The following PRELID2 variants were observed in gnomAD, a reference collection of about 807,000 sequenced individuals.
The protein encoded by PRELID2 is PRELI domain containing 2.
In PRELID2, 25 loss-of-function variants were observed where a neutral mutation model predicts 28.4. The observed-to-expected ratio is 0.88, with a 90% CI of 0.64 to 1.23. The LOEUF is 1.23. Among genes scored for constraint, PRELID2 ranks in the 50% most tolerant of loss-of-function variants. The pLI is 0.00. For missense variants in PRELID2, 201 were observed against 214.4 expected (o/e 0.94, Z 0.39); for synonymous variants, 76 against 71.6 (o/e 1.06, Z -0.31).
At chr5:145,421,070 C>T in the PRELID2 span, among the ~76,000 whole-genome samples, 1 of 151,034 alleles carries the variant, frequency 6.6e-6, no homozygotes, top group Admixed American at 6.6e-5. Flanking sequence ...GCCTTGCATC[C>T]CAGGGATGAA....
At chr5:145,549,107 T>A (rs1752811274) in intron 1 of PRELID2, among the ~76,000 whole-genome samples, 1 of 152,192 alleles carries the variant, frequency 6.6e-6, no homozygotes, top group Non-Finnish European at 1.5e-5. Flanking sequence ...CCCCTACAGA[T>A]GTGATTGTGC....
chr5:145,674,872 T>C (rs1754782856), intron 1 of PRELID2, among the ~76,000 whole-genome samples: 2 of 151,792 alleles, frequency 1.3e-5, no homozygotes, highest in African/African-American at 4.8e-5. Flanking sequence ...GACGTGGGGG[T>C]TTCAGTGAAC....
the PRELID2 span, among the ~76,000 whole-genome samples, chr5:145,283,715 A>G: frequency 6.9e-4 from 105 of 152,318 alleles, no homozygotes; most frequent in Non-Finnish European, 1.2e-3. Flanking sequence ...GTAACCAGGC[A>G]AGTTGTTCAT....
At chr5:145,664,974 C>G (rs1220944957) in intron 1 of PRELID2, among the ~76,000 whole-genome samples, 1 of 152,016 alleles carries the variant, frequency 6.6e-6, no homozygotes, top group Non-Finnish European at 1.5e-5. Context: ...TTAAAAGTAG[C>G]TTGAGCTAGA....
At chr5:145,614,110 T>C (rs1753661362) in intron 1 of PRELID2, among the ~76,000 whole-genome samples, 1 of 152,220 alleles carries the variant, frequency 6.6e-6, no homozygotes, top group Non-Finnish European at 1.5e-5. Flanking sequence ...GTTTGCTTTG[T>C]CGAAGATCAG....
In PRELID2 at chr5:145,483,571, A is replaced by T. The variant is rs116466527; in HGVS notation, n.71-10256T>A. Among the ~76,000 whole-genome samples the T allele has an allele frequency of 7.8e-3, 1,194 of 152,310 alleles. 18 individuals are homozygous for T. Among genetic ancestry groups the T allele is most frequent in the African/African-American group, 0.027 (1,120 of 41,570 alleles). ...TGCTTTGGCTTGGTTATACAGCATT[A>T]TTTGTGGTAATAACTGAGGCATAAA... is the stretch of plus-strand genomic sequence containing the variant. On this transcript the variant is annotated intron_variant and non_coding_transcript_variant, in intron 1 of 2. Coordinates refer to the PRELID2 transcript ENST00000510259.
At chr5:145,564,300 C>T (rs1167578747) in intron 1 of PRELID2, among the ~76,000 whole-genome samples, 1 of 152,228 alleles carries the variant, frequency 6.6e-6, no homozygotes, top group Non-Finnish European at 1.5e-5. Flanking sequence ...TCCTCACACA[C>T]TTGACTGATT....
intron 1 of PRELID2, among the ~76,000 whole-genome samples, chr5:145,595,175 C>CACAT (rs1554078074): frequency 1.3e-5 from 2 of 150,682 alleles, no homozygotes; most frequent in Admixed American, 6.6e-5. Flanking sequence ...CACACACACA[C>CACAT]ACACACACAC....
intron 1 of PRELID2, among the ~76,000 whole-genome samples, chr5:145,603,497 G>C (rs897534605): frequency 6.6e-6 from 1 of 151,998 alleles, no homozygotes; most frequent in Non-Finnish European, 1.5e-5. Context: ...GCAAAACAAA[G>C]ACATTTTTCA....
intron 1 of PRELID2, among the ~76,000 whole-genome samples, chr5:145,739,757 A>G (rs969156499): frequency 6.6e-5 from 10 of 152,082 alleles, no homozygotes; most frequent in African/African-American, 2.2e-4. Flanking sequence ...GAGTGATAAA[A>G]CAACCATATC....
At chr5:145,640,345 G>A (rs375038963) in intron 1 of PRELID2, among the ~76,000 whole-genome samples, 209 of 152,072 alleles carry the variant, frequency 1.4e-3, no homozygotes, top group African/African-American at 4.7e-3. Context: ...GCGTGGTGGC[G>A]GGCGCCTGTA....
chr5:145,333,905 T>A, the PRELID2 span, among the ~76,000 whole-genome samples: 1 of 151,482 alleles, frequency 6.6e-6, no homozygotes, highest in East Asian at 1.9e-4. Flanking sequence ...AGGCCCTTGG[T>A]TTTGTAGGCA....
chr5:145,280,703 A>G, the PRELID2 span, among the ~76,000 whole-genome samples: 3 of 151,822 alleles, frequency 2.0e-5, no homozygotes, highest in African/African-American at 7.2e-5. Context: ...ATTTTAATCT[A>G]CTATTTCTGT....
the PRELID2 span, among the ~76,000 whole-genome samples, chr5:145,252,883 T>C: frequency 6.6e-6 from 1 of 152,102 alleles, no homozygotes; most frequent in South Asian, 2.1e-4. Context: ...AATAAATAAA[T>C]ACATGCATCA....
chr5:145,318,577 A>T, the PRELID2 span, among the ~76,000 whole-genome samples: 49 of 152,190 alleles, frequency 3.2e-4, no homozygotes, highest in African/African-American at 1.2e-3. Flanking sequence ...CAAGATGTGC[A>T]ACAGGGGTGT....
At chr5:145,340,286 G>A in the PRELID2 span, among the ~76,000 whole-genome samples, 882 of 152,194 alleles carry the variant, frequency 5.8e-3, 12 homozygotes, top group African/African-American at 0.02. Flanking sequence ...CATAAGCACC[G>A]GCCTGCCCAA....
the PRELID2 span, among the ~76,000 whole-genome samples, chr5:145,337,733 T>TATATATATA: frequency 2.1e-5 from 2 of 96,072 alleles, no homozygotes; most frequent in Non-Finnish European, 4.1e-5. Context: ...ATATATATAC[T>TATATATATA]CACACACACA....
At chr5:145,763,802 G>C (rs1245589424) in intron 6 of PRELID2, among the ~76,000 whole-genome samples, 1 of 152,112 alleles carries the variant, frequency 6.6e-6, no homozygotes, top group Admixed American at 6.5e-5. Flanking sequence ...GCCTGACCAG[G>C]CACAGTGGCT....
intron 1 of PRELID2, among the ~76,000 whole-genome samples, chr5:145,648,798 T>C (rs1343728376): frequency 6.7e-6 from 1 of 149,436 alleles, no homozygotes; most frequent in Non-Finnish European, 1.5e-5. Context: ...TATACATATA[T>C]AAATATATAT....
Sources: gnomAD v4.1 joint callset for allele counts (sites outside exome capture counted in the v4.1 genomes callset) on GRCh38, gnomAD v4.1.1 for gene constraint, MANE v1.5 for transcripts, NCBI Gene and HGNC (gene_info 2026-07-23, HGNC 2026-07-21) for gene names.